DLGAP1: variants seen among roughly 807,000 people sequenced by gnomAD.
DLGAP1 encodes the protein DLG associated protein 1.
Under a neutral mutation model 90.8 loss-of-function variants are expected in DLGAP1, and 11 were observed. The observed-to-expected ratio is 0.12, with a 90% confidence interval of 0.08 to 0.20. DLGAP1 has a LOEUF of 0.20. Among genes scored for constraint, DLGAP1 ranks in the 10% least tolerant of loss-of-function variants. DLGAP1 has a pLI of 1.00. For missense variants in DLGAP1, 1,050 were observed against 1,333.8 expected (o/e 0.79, Z 3.31); for synonymous variants, 558 against 540.7 (o/e 1.03, Z -0.44).
At chr18:3,669,422 A>G (rs1164129556) in intron 7 of DLGAP1, among the ~76,000 whole-genome samples, 2 of 152,124 alleles carry the variant, frequency 1.3e-5, no homozygotes, top group Non-Finnish European at 2.9e-5. Context: ...CACACCCCCA[A>G]CCTGGGCCTA....
chr18:4,382,566 C>A (rs1024855912), intron 1 of DLGAP1, among the ~76,000 whole-genome samples: 7 of 150,174 alleles, frequency 4.7e-5, no homozygotes, highest in Middle Eastern at 3.3e-3. Flanking sequence ...CTAATAAAAC[C>A]ACTGGAACAA....
At chr18:4,306,065 C>T (rs1052748539) in intron 1 of DLGAP1, among the ~76,000 whole-genome samples, 7 of 131,600 alleles carry the variant, frequency 5.3e-5, no homozygotes, top group Non-Finnish European at 9.9e-5. Flanking sequence ...CACACACACA[C>T]GGGGGAGAGG....
chr18:4,121,592 A>ATCCCCCT (rs1339562602), intron 2 of DLGAP1, among the ~76,000 whole-genome samples: 11 of 151,960 alleles, frequency 7.2e-5, no homozygotes, highest in African/African-American at 2.7e-4. Flanking sequence ...TTTAGCCAGA[A>ATCCCCCT]TCCCCCTTAC....
intron 1 of DLGAP1, among the ~76,000 whole-genome samples, chr18:4,251,088 A>C (rs979973688): frequency 2.0e-5 from 3 of 152,196 alleles, no homozygotes; most frequent in African/African-American, 7.2e-5. Flanking sequence ...CTAGAAACAC[A>C]GAAGTGACAG....
chr18:3,667,743 C>T (rs1036488430), intron 7 of DLGAP1, among the ~76,000 whole-genome samples: 3 of 152,154 alleles, frequency 2.0e-5, no homozygotes, highest in Non-Finnish European at 4.4e-5. Context: ...CCATTCTTGT[C>T]CACACCAGGG....
At chr18:3,814,527 A>G (rs527493959) in intron 4 of DLGAP1, among the ~76,000 whole-genome samples, 47 of 151,900 alleles carry the variant, frequency 3.1e-4, no homozygotes, top group African/African-American at 1.1e-3. Context: ...ACGCCTGGCT[A>G]ATTATTTGTA....
chr18:4,065,387 T>C (rs1007480459), intron 2 of DLGAP1, among the ~76,000 whole-genome samples: 3 of 152,136 alleles, frequency 2.0e-5, no homozygotes, highest in Admixed American at 2.0e-4. Context: ...AAACTATCCC[T>C]GCTTGCAGAT....
At chr18:3,945,076 C>T (rs925733406) in intron 3 of DLGAP1, among the ~76,000 whole-genome samples, 3 of 152,136 alleles carry the variant, frequency 2.0e-5, no homozygotes, top group Non-Finnish European at 2.9e-5. Context: ...GGTTCTGGGG[C>T]CAGATAAGCT....
chr18:3,533,045 G>A (rs573135820), intron 10 of DLGAP1, among the ~76,000 whole-genome samples: 31 of 151,922 alleles, frequency 2.0e-4, no homozygotes, highest in African/African-American at 4.6e-4. Context: ...TAATCCCAGC[G>A]CTTTGGGAGG....
chr18:4,324,396 G>C (rs926555797), intron 1 of DLGAP1, among the ~76,000 whole-genome samples: 3 of 151,422 alleles, frequency 2.0e-5, no homozygotes, highest in Non-Finnish European at 4.4e-5. Flanking sequence ...CCAAAAAAAA[G>C]CCCAAGGCCA....
intron 4 of DLGAP1, among the ~76,000 whole-genome samples, chr18:3,871,153 G>C (rs909750642): frequency 1.3e-5 from 2 of 152,220 alleles, no homozygotes; most frequent in African/African-American, 4.8e-5. Flanking sequence ...GCCTGCGAGT[G>C]CCAGGTTCCA....
At chr18:4,412,615 AT>A (rs1293638988) in intron 1 of DLGAP1, among the ~76,000 whole-genome samples, 2 of 152,184 alleles carry the variant, frequency 1.3e-5, no homozygotes, top group African/African-American at 4.8e-5. Context: ...GGAACAGCTT[AT>A]TGACATGAGA....
intron 1 of DLGAP1, among the ~76,000 whole-genome samples, chr18:4,306,285 A>G (rs913343404): frequency 6.6e-6 from 1 of 152,070 alleles, no homozygotes; most frequent in Non-Finnish European, 1.5e-5. Context: ...AGGGGACACA[A>G]GTAGAGGGAC....
intron 3 of DLGAP1, among the ~76,000 whole-genome samples, chr18:3,972,775 A>C (rs1189619397): frequency 6.6e-6 from 1 of 152,178 alleles, no homozygotes; most frequent in East Asian, 1.9e-4. Context: ...AGGTTTGGGC[A>C]AATCACACTA....
intron 1 of DLGAP1, among the ~76,000 whole-genome samples, chr18:4,411,970 C>A (rs924430060): frequency 6.6e-6 from 1 of 152,110 alleles, no homozygotes; most frequent in African/African-American, 2.4e-5. Context: ...AAAATAAGCT[C>A]AATTTCTGGA....
chr18:4,099,305 A>G lies in DLGAP1; in HGVS notation c.-159+51875T>C, dbSNP rs1232172742. On this transcript the variant is annotated intron_variant, in intron 2 of 12. Transcript: ENST00000315677. ...CTATCTATCTGTCTATCATCTATCTATCTATCTATCTATCTATCTATCTAT... is the reference window on the plus strand; with the variant it reads ...CTATCTATCTGTCTATCATCTATCTGTCTATCTATCTATCTATCTATCTAT... Among the ~76,000 whole-genome samples the G allele has an allele frequency of 3.5e-3, 208 of 58,788 alleles. 4 individuals carry two copies. The highest frequency in any genetic ancestry group is 1.1e-3 in the Non-Finnish European group (27 of 25,714). 38.6% of individuals were successfully genotyped at this position (58,788 alleles called of 152,430 possible).
At chr18:3,646,022 T>C (rs958904554) in intron 7 of DLGAP1, among the ~76,000 whole-genome samples, 3 of 152,206 alleles carry the variant, frequency 2.0e-5, no homozygotes, top group African/African-American at 7.2e-5. Context: ...CCCTAAATCA[T>C]TTGACGGTGG....
In DLGAP1 at chr18:3,992,620, G is replaced by A. The variant is rs551686858; in HGVS notation, c.-73+12496C>T. On this transcript the variant is annotated intron_variant, in intron 3 of 12. Transcript: ENST00000315677. ...TTGAGCCTGAGAGGCAGAGGCTGCA[G>A]TGAGCCGTGATTATGCCACTGTACT... Among the ~76,000 whole-genome samples, 4 of 152,304 alleles carry A rather than the reference G, an allele frequency of 2.6e-5. No homozygotes were observed. The East Asian group carries it at 7.7e-4, about 29-fold the overall frequency.
At chr18:3,999,057 A>T (rs1242163506) in intron 3 of DLGAP1, among the ~76,000 whole-genome samples, 1 of 152,162 alleles carries the variant, frequency 6.6e-6, no homozygotes, top group Non-Finnish European at 1.5e-5. Flanking sequence ...TCAAATTTAC[A>T]AAACAAGTCT....
Sources: allele counts gnomAD v4.1 joint callset (sites outside exome capture counted in the v4.1 genomes callset), GRCh38; gene constraint gnomAD v4.1.1; transcripts MANE v1.5; gene names NCBI Gene and HGNC (gene_info 2026-07-23, HGNC 2026-07-21).